Variants in UPF3A observed in about 807,000 individuals in gnomAD.
UPF3A encodes the protein regulator of nonsense transcripts 3A.
Under a neutral mutation model 53.5 loss-of-function variants are expected in UPF3A, and 42 were observed. The ratio of observed to expected loss-of-function variants is 0.78; its 90% confidence interval spans 0.61 to 1.01. The LOEUF is 1.01. Among genes scored for constraint, UPF3A ranks in the 50% least tolerant of loss-of-function variants. The pLI is 0.00. For missense variants in UPF3A, 575 were observed against 598.0 expected (o/e 0.96, Z 0.40); for synonymous variants, 237 against 225.3 (o/e 1.05, Z -0.47).
chr13:114,298,790 T>G, intron 7 of UPF3A, 50 bp from the exon 8 acceptor site: 2 of 1,397,628 alleles, frequency 1.4e-6, no homozygotes, highest in Admixed American at 3.1e-5. Flanking sequence ...AACAGCTTCT[T>G]TTAAAATATG....
chr13:114,294,252 T>C (rs2085596572), intron 7 of UPF3A, among the ~76,000 whole-genome samples: 1 of 143,442 alleles, frequency 7.0e-6, no homozygotes, highest in African/African-American at 2.8e-5. Flanking sequence ...GCTATTTTGC[T>C]ATTTTTTTGT....
At chr13:114,295,442 G>GCTCTGGCGTGC (rs1340172230) in intron 7 of UPF3A, among the ~76,000 whole-genome samples, 3 of 46,890 alleles carry the variant, frequency 6.4e-5, no homozygotes, top group African/African-American at 1.9e-4. Context: ...TGGCCTGCTG[G>GCTCTGGCGTGC]TTTCTCATGA....
At chr13:114,302,082 A>T in intron 9 of UPF3A, 57 bp downstream of exon 9, 2 of 1,423,836 alleles carry the variant, frequency 1.4e-6, no homozygotes, top group Non-Finnish European at 1.8e-6. Context: ...TCCAGGCTGC[A>T]TGCTGACCAT....
rs1406917642 is a variant in UPF3A, at chr13:114,281,823, G to C, written c.184G>C (p.Glu62Gln). The C allele has an allele frequency of 1.3e-6, 2 of 1,544,860 alleles. No homozygotes were observed. ...CGGGAGKPRE[E>Q]KRTALSKVVI... The stretch of plus-strand genomic sequence containing the variant: ...GGGCGGTGCGGGCAAACCTCGCGAG[G>C]AGAAGAGGACGGCCCTGAGCAAGGT... Residue 62 changes from glutamate to glutamine, a missense_variant, in exon 1 of 10, where the codon GAG (glutamate) becomes CAG (glutamine). By Grantham distance (29) the Glu-to-Gln change is conservative. This residue lies in a region of UPF3A where 252 missense variants were observed against 182.7 expected (regional missense o/e 1.38). Coordinates refer to ENST00000375299, the MANE Select transcript of UPF3A (RefSeq NM_023011.4).
intron 3 of UPF3A, chr13:114,283,914 T>C: frequency 1.0e-6 from 1 of 985,438 alleles, no homozygotes; most frequent in Non-Finnish European, 1.2e-6. Flanking sequence ...TGTTTTCTTT[T>C]TCTCCAATGA....
At chr13:114,301,647 T>C in intron 8 of UPF3A, 84 bp from the exon 9 acceptor site, 2 of 1,429,758 alleles carry the variant, frequency 1.4e-6, no homozygotes, top group Non-Finnish European at 1.9e-6. Context: ...GTCCCTGTTG[T>C]CTGGGAACCT....
chr13:114,285,426 C>T (rs1017875400), intron 3 of UPF3A: 2 of 152,228 alleles, frequency 1.3e-5, no homozygotes, highest in African/African-American at 2.4e-5. Flanking sequence ...GACATCGTCC[C>T]TGCTGGTCCA....
intron 3 of UPF3A, 194 bp downstream of exon 3, chr13:114,283,137 T>C (rs994000248): frequency 2.1e-6 from 1 of 482,380 alleles, no homozygotes; most frequent in East Asian, 4.0e-5. Flanking sequence ...TCCTCCAGCC[T>C]CCTAGGTAGC....
chr13:114,291,030 C>G (rs879708911), intron 5 of UPF3A, among the ~76,000 whole-genome samples: 1 of 152,018 alleles, frequency 6.6e-6, no homozygotes, highest in Non-Finnish European at 1.5e-5. Context: ...CCACCACGCC[C>G]GGCCCATGTG....
intron 8 of UPF3A, 104 bp downstream of exon 8, chr13:114,299,104 ACTTT>A: frequency 8.0e-7 from 1 of 1,246,704 alleles, no homozygotes. Context: ...GGAATCCAAG[ACTTT>A]CCAGGGTGTG....
chr13:114,295,018 AG>A (rs1486846014), intron 7 of UPF3A, among the ~76,000 whole-genome samples: 12 of 151,098 alleles, frequency 7.9e-5, no homozygotes, highest in African/African-American at 2.9e-4. Context: ...AGGCTGAGGC[AG>A]GAGAATGGCA....
At chr13:114,294,799 TG>T (rs1196116452) in intron 7 of UPF3A, among the ~76,000 whole-genome samples, 7 of 151,424 alleles carry the variant, frequency 4.6e-5, no homozygotes, top group Admixed American at 1.3e-4. Context: ...CACTCCAGCC[TG>T]GGCGACAGAG....
chr13:114,282,933 T>C lies in UPF3A; in HGVS notation c.411T>C (p.Leu137=), dbSNP rs137923162. Reference sequence around the variant, plus strand: ...ATCGTTTTGATGGATATATCTTCCTTGACAGCAAAGGTTGGATTATTGGTT... The same window carrying C: ...ATCGTTTTGATGGATATATCTTCCTCGACAGCAAAGGTTGGATTATTGGTT... ...FRDRFDGYIF[L]DSKGLEYPAV... is the part of the protein sequence containing the mutation. Residue 137 remains leucine, a synonymous_variant, in exon 3 of 10, where the codon CTT becomes CTC. Transcript: ENST00000375299. The C allele has an allele frequency of 3.9e-5, 63 of 1,605,790 alleles. No homozygotes were observed. Among genetic ancestry groups the C allele is most frequent in the Non-Finnish European group, 5.1e-5 (60 of 1,174,034 alleles).
Position 114,281,916 on chromosome 13 carries a change from G to GGGGAGGGAGGGGA in UPF3A, c.207+82_207+83insAGGGAGGGAGGGG, listed in dbSNP as rs2139097572. On this transcript the variant is annotated intron_variant, in intron 1 of 9. Transcript: ENST00000375299. ...GCCCTGAGTGGAGGGAGGGGAGGGA[G>GGGGAGGGAGGGGA]GGGAGGGAGGGGCGGGGGCCGGGCC... The GGGGAGGGAGGGGA allele has an allele frequency of 3.6e-6, 4 of 1,097,382 alleles. No individual in the cohort carries two copies. In the East Asian group the frequency reaches 8.1e-5, roughly 22 times the overall value. 68.0% of individuals were successfully genotyped at this position (1,097,382 alleles called of 1,614,324 possible). A position where few individuals can be genotyped will look rare whatever the true frequency, so the allele number is the denominator to read the frequency against.
intron 7 of UPF3A, among the ~76,000 whole-genome samples, chr13:114,298,239 G>T (rs921575762): frequency 6.6e-6 from 1 of 152,116 alleles, no homozygotes; most frequent in Admixed American, 6.5e-5. Context: ...TGAGCGTGGT[G>T]GTGGGCGCCT....
rs1018344748 is a variant in UPF3A, at chr13:114,295,124, AAAAAG to A, written c.846+3341_846+3345del. Among the ~76,000 whole-genome samples the A allele has an allele frequency of 1.8e-4, 27 of 150,372 alleles. No individual in the cohort carries two copies. In the South Asian group the frequency reaches 3.8e-3, roughly 21 times the overall value. On this transcript the variant is annotated intron_variant, in intron 7 of 9. Coordinates refer to ENST00000375299, the MANE Select transcript of UPF3A (RefSeq NM_023011.4). ...AAGACTCCGTCTCAAAAAAAAAAAA[AAAAAG>A]AAAAGAAATACGGCACACAGAACAG...
chr13:114,291,583 T>G (rs1483380101), intron 6 of UPF3A, 39 bp downstream of exon 6: 1 of 1,604,026 alleles, frequency 6.2e-7, no homozygotes, highest in Non-Finnish European at 8.5e-7. Flanking sequence ...CCTCCCTGCT[T>G]CTGCCATTCT....
chr13:114,298,708 A>G, intron 7 of UPF3A, 132 bp from the exon 8 acceptor site: 4 of 916,272 alleles, frequency 4.4e-6, no homozygotes, highest in Non-Finnish European at 6.1e-6. Flanking sequence ...TCATTTTTGG[A>G]CCTTTAGCTT....
At chr13:114,292,198 G>T (rs969148919) in intron 7 of UPF3A, among the ~76,000 whole-genome samples, 1 of 151,202 alleles carries the variant, frequency 6.6e-6, no homozygotes, top group Non-Finnish European at 1.5e-5. Flanking sequence ...ACACGTGCAG[G>T]TGTGTTACGT....
Sources: allele counts gnomAD v4.1 joint callset (sites outside exome capture counted in the v4.1 genomes callset), GRCh38; gene constraint gnomAD v4.1.1; regional missense constraint gnomAD v4.1.1; transcripts MANE v1.5; gene names NCBI Gene and HGNC (gene_info 2026-07-23, HGNC 2026-07-21).